Variants in PSMD2 observed in about 807,000 individuals in gnomAD.
PSMD2 encodes the protein proteasome 26S subunit ubiquitin receptor, non-ATPase 2, also known as 26S proteasome non-ATPase regulatory subunit 2.
A neutral mutation model predicts 101.5 loss-of-function variants in PSMD2; 8 were observed. The observed-to-expected ratio is 0.08, with a 90% CI of 0.05 to 0.14. The LOEUF (loss-of-function observed/expected upper bound fraction) is 0.14. Ranked by LOEUF, PSMD2 falls within the 10% of genes least tolerant of loss-of-function variation. PSMD2 has a pLI of 1.00. For synonymous variants in PSMD2, 418 were observed against 433.8 expected, an observed-to-expected ratio of 0.96 and a Z score of 0.45; for missense variants, 784 against 1,147.4, an observed-to-expected ratio of 0.68 and a Z score of 4.58.
chr3:184,299,781 C>T (rs1042459653), intron 1 of PSMD2, 70 bp from the exon 2 acceptor site: 150 of 1,319,758 alleles, frequency 1.1e-4, no homozygotes, highest in Non-Finnish European at 1.5e-5. Context: ...CTTCACCTGC[C>T]CCGGGTAAGT....
chr3:184,302,201 G>A, intron 5 of PSMD2, 130 bp downstream of exon 5: 1 of 1,210,428 alleles, frequency 8.3e-7, no homozygotes, highest in South Asian at 1.4e-5. Context: ...CTTTTGATGT[G>A]TGTGAGTTTC....
rs749365981 is a variant in PSMD2 at position 184,299,247 on chromosome 3, G to A, written c.-20G>A. 1.6e-5 allele frequency: 21 copies of A among 1,318,906 alleles called. 1 individual carries two copies. The South Asian group carries it at 4.0e-4, about 25-fold the overall frequency. 81.7% of individuals were successfully genotyped at this position (1,318,906 alleles called of 1,614,324 possible). A position where few individuals can be genotyped will look rare whatever the true frequency, so the allele number is the denominator to read the frequency against. ...GGTGCGAGCGGGTGCGCGCGCAGCG[G>A]GCCGGCAGTGGCGGCGGAGATGGAG... On this transcript the variant is annotated 5_prime_UTR_variant, in exon 1 of 21. Coordinates refer to ENST00000310118, the MANE Select transcript of PSMD2 (RefSeq NM_002808.5).
chr3:184,303,374 C>T lies in PSMD2; in HGVS notation c.1124C>T (p.Ser375Phe). 1 of 1,614,132 alleles carries T rather than the reference C, an allele frequency of 6.2e-7. No individual in the cohort carries two copies. Among genetic ancestry groups the T allele is most frequent in the Admixed American group, 1.7e-5 (1 of 60,018 alleles). The part of the protein sequence containing the change: ...VDSARMNLAS[S>F]FVNGFVNAAF... ...TCTGCCCGCATGAACCTGGCCTCCT[C>T]TTTTGTGAATGGCTTTGTGAATGCA... The change falls in exon 9 of 21, where the codon TCT (serine) becomes TTT (phenylalanine). Residue 375 changes from serine to phenylalanine, a missense_variant. Transcript: ENST00000310118.
intron 15 of PSMD2, 120 bp downstream of exon 15, chr3:184,306,615 T>C: frequency 6.5e-7 from 1 of 1,529,564 alleles, no homozygotes; most frequent in Non-Finnish European, 8.8e-7. Context: ...TGAAATAGCG[T>C]GTGACTGGGT....
chr3:184,302,636 C>G lies in PSMD2; in HGVS notation c.864-43C>G, dbSNP rs759372717. ...AGGGCTTGAGGGGTTTTCCTGTGCC[C>G]TTAGTGGACAGTGATGAGCAGATGT... On this transcript the variant is annotated intron_variant, in intron 6 of 20. Transcript: ENST00000310118. 4 of 1,613,452 alleles carry G rather than the reference C, an allele frequency of 2.5e-6. No homozygotes were observed. In the South Asian group the frequency reaches 3.3e-5, roughly 13 times the overall value.
Position 184,309,034 on chromosome 3 carries a change from A to G in PSMD2, c.*144A>G. The G allele has an allele frequency of 1.2e-6, 1 of 863,418 alleles. No homozygotes were observed. Among genetic ancestry groups the G allele is most frequent in the South Asian group, 1.7e-5 (1 of 58,386 alleles). 53.5% of individuals were successfully genotyped at this position (863,418 alleles called of 1,614,324 possible). On this transcript the variant is annotated 3_prime_UTR_variant, in exon 21 of 21. Coordinates refer to ENST00000310118, the MANE Select transcript of PSMD2 (RefSeq NM_002808.5). Reference sequence around the variant, plus strand: ...CTGAGTGAGATAAGGTTGTTCAATAAAGACTTTTATCCCCAAGGTCTCTCT... The same window carrying G: ...CTGAGTGAGATAAGGTTGTTCAATAGAGACTTTTATCCCCAAGGTCTCTCT...
chr3:184,300,192 T>C, intron 2 of PSMD2, 88 bp from the exon 3 acceptor site: 1 of 1,315,410 alleles, frequency 7.6e-7, no homozygotes. Context: ...AGCATTTCCT[T>C]GGAGGAGTTG....
chr3:184,304,500 G>A lies in PSMD2; in HGVS notation c.1539+109G>A. 1 of 1,092,066 alleles carries A rather than the reference G, an allele frequency of 9.2e-7. No homozygotes were observed. The highest frequency in any genetic ancestry group is 1.3e-5 in the South Asian group (1 of 76,960). 67.6% of individuals were successfully genotyped at this position (1,092,066 alleles called of 1,614,324 possible). A position where few individuals can be genotyped will look rare whatever the true frequency, so the allele number is the denominator to read the frequency against. ...TAAGTGTGTGCATGTGTGCATACAT[G>A]TACATGCCTGTTGGTGTGTATTGAG... On this transcript the variant is annotated intron_variant, in intron 12 of 20. Coordinates refer to ENST00000310118, the MANE Select transcript of PSMD2 (RefSeq NM_002808.5). This position sits in a 1 kb window ranked among gnomAD's most constrained non-coding sequence, Gnocchi z 4.1.
chr3:184,301,739 G>A, intron 4 of PSMD2, 81 bp downstream of exon 4: 1 of 1,609,422 alleles, frequency 6.2e-7, no homozygotes, highest in Non-Finnish European at 8.5e-7. Flanking sequence ...AGTACAATCT[G>A]TCTTGGAGCA....
chr3:184,303,425 CAG>C lies in PSMD2; in HGVS notation c.1177_1178del (p.Asp393Ter), dbSNP rs1721718810. The stretch of plus-strand genomic sequence containing the variant: ...GCTTTTGGCCAAGACAAGCTGCTAA[CAG>C]ATGATGGCAACAAATGGCTTTACAA... On this transcript the variant is annotated frameshift_variant, in exon 9 of 21. Transcript: ENST00000310118. LOFTEE classifies it high-confidence loss of function. 6.2e-7 allele frequency: 1 copy of C among 1,614,058 alleles called. No homozygotes were observed. The highest frequency in any genetic ancestry group is 8.5e-7 in the Non-Finnish European group (1 of 1,180,032).
chr3:184,306,635 A>G, intron 15 of PSMD2, 116 bp from the exon 16 acceptor site: 2 of 1,516,682 alleles, frequency 1.3e-6, no homozygotes, highest in Non-Finnish European at 1.8e-6. Flanking sequence ...TTCTGTATGT[A>G]AGGGGTAAAG....
chr3:184,305,746 A>G (rs1174590722), intron 12 of PSMD2, 22 bp from the exon 13 acceptor site: 2 of 1,608,700 alleles, frequency 1.2e-6, no homozygotes, highest in Non-Finnish European at 1.7e-6. Flanking sequence ...ACTCTGTGTA[A>G]TACTGATTTT....
In PSMD2 at chr3:184,304,464, T is replaced by G; in HGVS notation, c.1539+73T>G. 6.8e-7 allele frequency: 1 copy of G among 1,476,664 alleles called. No individual in the cohort carries two copies. The allele number at this position is 1,476,664 out of a possible 1,614,324, so 91.5% of individuals were successfully genotyped here. ...GAGTCTTACTTTCTGTGATAAATAA[T>G]GAAAAAGAAGTAAGTGTGTGCATGT... is the stretch of plus-strand genomic sequence containing the variant. On this transcript the variant is annotated intron_variant, in intron 12 of 20. Coordinates refer to ENST00000310118, the MANE Select transcript of PSMD2 (RefSeq NM_002808.5). This position sits in a 1 kb window ranked among gnomAD's most constrained non-coding sequence, Gnocchi z 4.1.
chr3:184,299,591 C>T (rs1721574065), intron 1 of PSMD2, 190 bp downstream of exon 1: 2 of 834,942 alleles, frequency 2.4e-6, no homozygotes, highest in Non-Finnish European at 3.5e-6. Context: ...CTCCGCCGTC[C>T]CCACCAACCC....
At chr3:184,301,734 A>C in intron 4 of PSMD2, 76 bp downstream of exon 4, 3 of 1,609,492 alleles carry the variant, frequency 1.9e-6, no homozygotes, top group Non-Finnish European at 1.7e-6. Context: ...TGTGGAGTAC[A>C]ATCTGTCTTG....
Position 184,299,272 on chromosome 3 carries a change from G to A in PSMD2, c.6G>A (p.Glu2=). Residue 2 remains glutamate (E), a synonymous_variant, in exon 1 of 21, where the codon GAG becomes GAA. Transcript: ENST00000310118. The part of the protein sequence containing the change: M[E]EGGRDKAPVQ... The stretch of plus-strand genomic sequence containing the variant: ...GGCCGGCAGTGGCGGCGGAGATGGA[G>A]GAGGGAGGCCGGGACAAGGCGCCGG... 1 of 1,354,182 alleles carries A rather than the reference G, an allele frequency of 7.4e-7. No individual in the cohort carries two copies. The highest frequency in any genetic ancestry group is 3.6e-5 in the Admixed American group (1 of 27,786). The allele number at this position is 1,354,182 out of a possible 1,614,324, so 83.9% of individuals were successfully genotyped here. A position where few individuals can be genotyped will look rare whatever the true frequency, so the allele number is the denominator to read the frequency against.
chr3:184,308,321 A>AGG lies in PSMD2; in HGVS notation c.2426-125_2426-124dup. On this transcript the variant is annotated intron_variant, in intron 19 of 20. Transcript: ENST00000310118. The surrounding 1 kb of genome is among the most constrained non-coding windows in gnomAD (Gnocchi z 6.0). ...TCTCTGGTTCGTAGTAGGGTGTATG[A>AGG]GGGGAGGAGTGTGGATTCAGTCGTA... 3 of 845,810 alleles carry AGG rather than the reference A, an allele frequency of 3.5e-6. No homozygotes were observed. Among genetic ancestry groups the AGG allele is most frequent in the Non-Finnish European group, 5.6e-6 (3 of 535,240 alleles). The allele number at this position is 845,810 out of a possible 1,614,324, so 52.4% of individuals were successfully genotyped here.
intron 7 of PSMD2, 46 bp from the exon 8 acceptor site, chr3:184,302,956 G>A: frequency 6.8e-6 from 11 of 1,611,636 alleles, no homozygotes; most frequent in Non-Finnish European, 7.6e-6. Context: ...AGGGACAGCT[G>A]GGGGAGTTCT....
In PSMD2 at chr3:184,306,573, G is replaced by A. The variant is rs1253709326; in HGVS notation, c.1950+78G>A. The A allele has an allele frequency of 3.2e-6, 5 of 1,561,920 alleles. No homozygotes were observed. The African/African-American group carries it at 5.5e-5, about 17-fold the overall frequency. ...ATAGGGGAGGCTGGGTTTGGTTTTT[G>A]CTTTAGGGCCTCTCTGGGTATTGCC... On this transcript the variant is annotated intron_variant, in intron 15 of 20. Coordinates refer to ENST00000310118, the MANE Select transcript of PSMD2 (RefSeq NM_002808.5).
Sources: allele counts gnomAD v4.1 joint callset, GRCh38; gene constraint gnomAD v4.1.1; non-coding constraint Gnocchi (gnomAD v3.1); transcripts MANE v1.5; gene names NCBI Gene and HGNC (gene_info 2026-07-23, HGNC 2026-07-21).